The following RNF182 variants were observed in gnomAD, a reference collection of about 807,000 sequenced individuals.
The protein encoded by RNF182 is ring finger protein 182.
A neutral mutation model predicts 14.4 loss-of-function variants in RNF182; 15 were observed. That is an observed-to-expected ratio of 1.04 (90% CI 0.70 to 1.60). The LOEUF (loss-of-function observed/expected upper bound fraction) is 1.60, where lower values mean the gene tolerates loss of function less well. Among genes scored for constraint, RNF182 ranks in the 40% most tolerant of loss-of-function variants. The probability of loss-of-function intolerance (pLI) is 0.00; values close to 1 mark genes in which losing one functional copy is unlikely to be tolerated. For missense variants in RNF182, 268 were observed against 294.8 expected (o/e 0.91, Z 0.67); for synonymous variants, 128 against 122.9 (o/e 1.04, Z -0.27).
At position 13,945,279 on chromosome 6, in the gene RNF182, A is replaced by G. The variant is rs561330602; in HGVS notation, c.-367+20256A>G. On this transcript the variant is annotated intron_variant, in intron 1 of 2. Coordinates refer to ENST00000488300, the MANE Select transcript of RNF182 (RefSeq NM_152737.4). ...GCTGGGCTTGATTTAGCCAAAAATT[A>G]TTGTGGCCCACTTTAGGGATTTACC... Among the ~76,000 whole-genome samples the G allele has an allele frequency of 2.6e-5, 4 of 152,314 alleles. No individual in the cohort carries two copies. The South Asian group carries it at 6.2e-4, about 24-fold the overall frequency.
At chr6:13,960,697 G>GCGCACA (rs140903588) in intron 1 of RNF182, among the ~76,000 whole-genome samples, 3 of 149,730 alleles carry the variant, frequency 2.0e-5, no homozygotes, top group East Asian at 3.9e-4. Flanking sequence ...GTGTGTGCGC[G>GCGCACA]CGTGCACATG....
At chr6:13,942,576 A>G (rs1191171182) in intron 1 of RNF182, among the ~76,000 whole-genome samples, 1 of 152,136 alleles carries the variant, frequency 6.6e-6, no homozygotes, top group African/African-American at 2.4e-5. Context: ...TCCTGTCCTC[A>G]ACTGATCTAC....
intron 1 of RNF182, among the ~76,000 whole-genome samples, chr6:13,970,290 T>C (rs1760142967): frequency 6.6e-6 from 1 of 152,156 alleles, no homozygotes; most frequent in South Asian, 2.1e-4. Flanking sequence ...CTCTCTTCTT[T>C]CTCCCTCTCC....
At chr6:13,952,795 C>T (rs1414236025) in intron 1 of RNF182, among the ~76,000 whole-genome samples, 3 of 152,168 alleles carry the variant, frequency 2.0e-5, no homozygotes, top group African/African-American at 7.2e-5. Context: ...GACTACTCCA[C>T]AGAGAGACCA....
intron 1 of RNF182, 41 bp downstream of exon 1, chr6:13,925,064 A>C (rs2113566996): frequency 6.2e-3 from 2 of 324 alleles, no homozygotes; most frequent in Admixed American, 0.024. Context: ...GGTCGGCGGG[A>C]CGCCGGGCCT....
intron 1 of RNF182, among the ~76,000 whole-genome samples, chr6:13,939,112 A>G (rs1759218650): frequency 2.0e-5 from 3 of 152,200 alleles, no homozygotes; most frequent in African/African-American, 7.2e-5. Context: ...AGTGTTTTAC[A>G]TTGATGTAAT....
Position 13,978,150 on chromosome 6 carries a change from G to C in RNF182, c.*287G>C, listed in dbSNP as rs561895189. ...TTTCTCTCAGCACTGCCAGACAGAC[G>C]GCAGGGGTGTGGTGTGTTATACTAT... is the stretch of plus-strand genomic sequence containing the variant. On this transcript the variant is annotated 3_prime_UTR_variant, in exon 3 of 3. Coordinates refer to ENST00000488300, the MANE Select transcript of RNF182 (RefSeq NM_152737.4). The C allele has an allele frequency of 2.9e-6, 1 of 347,246 alleles. No homozygotes were observed. The highest frequency in any genetic ancestry group is 5.5e-6 in the Non-Finnish European group (1 of 180,806). The allele number at this position is 347,246 out of a possible 1,614,324, so 21.5% of individuals were successfully genotyped here.
In RNF182 at chr6:13,977,970, C is replaced by G. The variant is rs777959268; in HGVS notation, c.*107C>G. 1.6e-6 allele frequency: 2 copies of G among 1,228,394 alleles called. No homozygotes were observed. The highest frequency in any genetic ancestry group is 2.3e-6 in the Non-Finnish European group (2 of 887,554). 76.1% of individuals were successfully genotyped at this position (1,228,394 alleles called of 1,614,324 possible). ...TGTTCTTTATGATTAGTATCCATGACATTAACAAAACCCTTGGCCACATGT... is the reference window on the plus strand; with the variant it reads ...TGTTCTTTATGATTAGTATCCATGAGATTAACAAAACCCTTGGCCACATGT... On this transcript the variant is annotated 3_prime_UTR_variant, in exon 3 of 3. Coordinates refer to ENST00000488300, the MANE Select transcript of RNF182 (RefSeq NM_152737.4).
chr6:13,940,762 G>C (rs408909), intron 1 of RNF182, among the ~76,000 whole-genome samples: 137,336 of 152,060 alleles, frequency 0.9, 63,554 homozygotes, highest in Non-Finnish European at 1. Context: ...TTAATAGTAT[G>C]CTCTTAAATT....
At chr6:13,937,705 G>C (rs1759170529) in intron 1 of RNF182, among the ~76,000 whole-genome samples, 1 of 152,166 alleles carries the variant, frequency 6.6e-6, no homozygotes, top group African/African-American at 2.4e-5. Context: ...TTATATGTAT[G>C]ATTTAGCTGT....
At chr6:13,957,914 T>C (rs993810669) in intron 1 of RNF182, among the ~76,000 whole-genome samples, 39 of 152,326 alleles carry the variant, frequency 2.6e-4, no homozygotes, top group African/African-American at 7.7e-4. Context: ...TAGATACTTT[T>C]GGTGAGCCTA....
chr6:13,978,077 C>A lies in RNF182; in HGVS notation c.*214C>A. ...GTTAGCAAAATTGTATAAGCTCACA[C>A]TTCATGGAGCACTGACAGCAGTGAG... On this transcript the variant is annotated 3_prime_UTR_variant, in exon 3 of 3. Coordinates refer to ENST00000488300, the MANE Select transcript of RNF182 (RefSeq NM_152737.4). The A allele has an allele frequency of 1.9e-6, 1 of 519,770 alleles. No homozygotes were observed. The highest frequency in any genetic ancestry group is 3.5e-6 in the Non-Finnish European group (1 of 287,918). 32.2% of individuals were successfully genotyped at this position (519,770 alleles called of 1,614,324 possible). A position where few individuals can be genotyped will look rare whatever the true frequency, so the allele number is the denominator to read the frequency against.
At position 13,980,241 on chromosome 6, in the gene RNF182, A is replaced by ATTTTATTTTT. The variant is rs145959228; in HGVS notation, c.*2381_*2382insTATTTTTTTT. On this transcript the variant is annotated 3_prime_UTR_variant, in exon 3 of 3. Coordinates refer to ENST00000488300, the MANE Select transcript of RNF182 (RefSeq NM_152737.4). ...ATTTTATTTTATTTTATTTTATTTTATTTATTTATTTTAAAGCAGGGGAGA... is the reference window on the plus strand; with the variant it reads ...ATTTTATTTTATTTTATTTTATTTTATTTTATTTTTTTTATTTATTTTAAAGCAGGGGAGA... The ATTTTATTTTT allele has an allele frequency of 9.0e-5, 10 of 110,560 alleles. No individual in the cohort carries two copies. Among genetic ancestry groups the ATTTTATTTTT allele is most frequent in the Non-Finnish European group, 2.0e-4 (10 of 49,854 alleles). 6.8% of individuals were successfully genotyped at this position (110,560 alleles called of 1,614,324 possible).
intron 1 of RNF182, among the ~76,000 whole-genome samples, chr6:13,966,803 A>G (rs1027911560): frequency 4.0e-5 from 5 of 124,920 alleles, no homozygotes; most frequent in Admixed American, 3.8e-4. Flanking sequence ...AAAACCCAGT[A>G]GTATGCTGTT....
intron 1 of RNF182, chr6:13,925,462 A>G (rs940849171): frequency 6.6e-6 from 1 of 152,212 alleles, no homozygotes; most frequent in Non-Finnish European, 1.5e-5. Flanking sequence ...AAAGATTTTT[A>G]CGAATCTCTG....
At chr6:13,925,560 T>A (rs1232919339) in intron 1 of RNF182, among the ~76,000 whole-genome samples, 2 of 152,146 alleles carry the variant, frequency 1.3e-5, no homozygotes, top group African/African-American at 4.8e-5. Flanking sequence ...AAGACCTTTT[T>A]TTCTTTGGAA....
chr6:13,954,616 T>C (rs572002392), intron 1 of RNF182, among the ~76,000 whole-genome samples: 1 of 152,290 alleles, frequency 6.6e-6, no homozygotes, highest in East Asian at 1.9e-4. Flanking sequence ...GTATTTTATG[T>C]GTTGCTCAAG....
intron 1 of RNF182, among the ~76,000 whole-genome samples, chr6:13,968,463 T>C (rs1561787211): frequency 2.6e-5 from 4 of 152,218 alleles, no homozygotes; most frequent in Admixed American, 2.0e-4. Flanking sequence ...CATATGAAAT[T>C]ACAGCTGAGT....
At chr6:13,976,819 T>C (rs1317417131) in intron 2 of RNF182, 90 bp from the exon 3 acceptor site, 5 of 334,902 alleles carry the variant, frequency 1.5e-5, no homozygotes, top group African/African-American at 8.3e-5. Flanking sequence ...CTTCTAATCC[T>C]TGAAGCTCAG....
Sources: allele counts gnomAD v4.1 joint callset (sites outside exome capture counted in the v4.1 genomes callset), GRCh38; gene constraint gnomAD v4.1.1; transcripts MANE v1.5; gene names NCBI Gene and HGNC (gene_info 2026-07-23, HGNC 2026-07-21).